ZNF541: variants seen among roughly 807,000 people sequenced by gnomAD.
The protein encoded by ZNF541 is zinc finger protein 541.
Under a neutral mutation model 123.5 loss-of-function variants are expected in ZNF541, and 23 were observed. The ratio of observed to expected loss-of-function variants is 0.19; its 90% CI spans 0.13 to 0.26. The LOEUF (loss-of-function observed/expected upper bound fraction) is 0.26. Ranked by LOEUF, ZNF541 falls within the 10% of genes least tolerant of loss-of-function variation. The pLI is 1.00. For missense variants in ZNF541, 1,612 were observed against 1,789.9 expected, an observed-to-expected ratio of 0.90 and a Z score of 1.79; for synonymous variants, 751 against 754.5, an observed-to-expected ratio of 1.00 and a Z score of 0.08.
At chr19:47,555,380 A>AG (rs1011322829) in intron 3 of ZNF541, among the ~76,000 whole-genome samples, 170 bp downstream of exon 3, 2 of 151,888 alleles carry the variant, frequency 1.3e-5, no homozygotes, top group African/African-American at 4.8e-5. Context: ...AAAAAAAAAA[A>AG]AAAAAAGAAT....
chr19:47,568,095 C>G (rs190575914), intron 2 of ZNF541, among the ~76,000 whole-genome samples: 2 of 152,226 alleles, frequency 1.3e-5, no homozygotes, highest in Admixed American at 1.3e-4. Flanking sequence ...ACTTTGATCA[C>G]AGAAGGCTCT....
Position 47,544,585 on chromosome 19 carries a change from C to A in ZNF541, c.1944G>T (p.Lys648Asn), listed in dbSNP as rs948968209. The A allele has an allele frequency of 9.0e-6, 14 of 1,551,326 alleles. No homozygotes were observed. Among genetic ancestry groups the A allele is most frequent in the Non-Finnish European group, 1.1e-5 (13 of 1,146,940 alleles). ...ASPGSTRRDA[K>N]GGLKVAAVPT... ...GAACCGCGGCCACTTTCAGTCCCCC[C>A]TTTGCGTCTCGTCTCGTGCTGCCGG... Residue 648 changes from lysine to asparagine, a missense_variant, in exon 5 of 17, where the codon AAG (lysine) becomes AAT (asparagine). By Grantham distance (94) the Lys-to-Asn change is moderately conservative. Coordinates refer to ENST00000391901, the MANE Select transcript of ZNF541 (RefSeq NM_001277075.3).
chr19:47,542,705 T>C (rs1242604248), intron 5 of ZNF541, among the ~76,000 whole-genome samples: 1 of 152,068 alleles, frequency 6.6e-6, no homozygotes, highest in East Asian at 1.9e-4. Flanking sequence ...CTCAGCACTT[T>C]GGGAGGCTGA....
intron 14 of ZNF541, among the ~76,000 whole-genome samples, chr19:47,526,790 G>T (rs571840878): frequency 2.3e-4 from 35 of 152,160 alleles, no homozygotes; most frequent in Admixed American, 5.9e-4. Flanking sequence ...TTCTTAAAAA[G>T]TTAAGCATAC....
At position 47,521,317 on chromosome 19, in the gene ZNF541, G is replaced by A. The variant is rs1227231266; in HGVS notation, c.3948C>T (p.His1316=). Residue 1316 remains histidine, a synonymous_variant, in exon 17 of 17, where the codon CAC becomes CAT. Transcript: ENST00000391901. This position sits in a 1 kb window ranked among gnomAD's most constrained non-coding sequence, Gnocchi z 4.2. ...AHMKRHRLQD[H]VEPIIRVKWP... is the part of the protein sequence containing the mutation. ...ACTTCACCCTGATGATGGGCTCCACGTGGTCCTGAAGGCGGTGCCGCTTCA... is the reference window on the plus strand; with the variant it reads ...ACTTCACCCTGATGATGGGCTCCACATGGTCCTGAAGGCGGTGCCGCTTCA... 1.2e-5 allele frequency: 18 copies of A among 1,551,744 alleles called. No homozygotes were observed. The highest frequency in any genetic ancestry group is 1.4e-5 in the African/African-American group (1 of 73,164).
intron 9 of ZNF541, among the ~76,000 whole-genome samples, chr19:47,536,271 C>A (rs940847405): frequency 6.6e-6 from 1 of 152,154 alleles, no homozygotes; most frequent in African/African-American, 2.4e-5. Flanking sequence ...TTGTTTATGG[C>A]CAGTTTTGGG....
intron 3 of ZNF541, among the ~76,000 whole-genome samples, chr19:47,552,905 T>C (rs1056352358): frequency 4.0e-5 from 6 of 151,386 alleles, no homozygotes; most frequent in Non-Finnish European, 7.4e-5. Flanking sequence ...GGTCAGGAGT[T>C]TGAGACCAGT....
intron 4 of ZNF541, 116 bp from the exon 5 acceptor site, chr19:47,546,096 G>C: frequency 2.2e-6 from 2 of 904,964 alleles, no homozygotes; most frequent in Non-Finnish European, 3.0e-6. Flanking sequence ...TTCAGAAATT[G>C]TACTCAGCCC....
intron 5 of ZNF541, 75 bp from the exon 6 acceptor site, chr19:47,541,026 G>A: frequency 1.5e-6 from 2 of 1,378,470 alleles, no homozygotes; most frequent in South Asian, 1.3e-5. Context: ...CAGACTTTTA[G>A]AAGAAAACAT....
At position 47,521,565 on chromosome 19, in the gene ZNF541, G is replaced by A; in HGVS notation, c.3801C>T (p.Ser1267=). Residue 1267 remains serine, a synonymous_variant, in exon 16 of 17, where the codon TCC becomes TCT. Coordinates refer to ENST00000391901, the MANE Select transcript of ZNF541 (RefSeq NM_001277075.3). This position sits in a 1 kb window ranked among gnomAD's most constrained non-coding sequence, Gnocchi z 4.2. The part of the protein sequence containing the change: ...KSYRRESILS[S]SPNAGSKRTP... Reference sequence around the variant, plus strand: ...TCCGCTTGGAGCCTGCATTTGGGCTGGAGCTGAGGATGGACTCCCTCCTAT... The same window carrying A: ...TCCGCTTGGAGCCTGCATTTGGGCTAGAGCTGAGGATGGACTCCCTCCTAT... The A allele has an allele frequency of 2.6e-6, 4 of 1,551,722 alleles. No individual in the cohort carries two copies. Among genetic ancestry groups the A allele is most frequent in the Non-Finnish European group, 3.5e-6 (4 of 1,146,988 alleles).
At position 47,520,971 on chromosome 19, in the gene ZNF541, G is replaced by T. The variant is rs1968996725; in HGVS notation, c.*253C>A. ...GCCTCCCTGCTCTAGAAGTGGAAGG[G>T]AAAGAAGGGGAGAGACTATGAACCT... On this transcript the variant is annotated 3_prime_UTR_variant, in exon 17 of 17. Transcript: ENST00000391901. The T allele has an allele frequency of 2.1e-6, 1 of 469,760 alleles. No homozygotes were observed. Among genetic ancestry groups the T allele is most frequent in the Non-Finnish European group, 3.8e-6 (1 of 261,956 alleles). The allele number at this position is 469,760 out of a possible 1,614,324, so 29.1% of individuals were successfully genotyped here.
rs550140068 is a variant in ZNF541, at chr19:47,544,736, G to C, written c.1793C>G (p.Pro598Arg). The C allele has an allele frequency of 8.7e-6, 13 of 1,499,526 alleles. No individual in the cohort carries two copies. Among genetic ancestry groups the C allele is most frequent in the Non-Finnish European group, 1.2e-5 (13 of 1,126,886 alleles). The allele number at this position is 1,499,526 out of a possible 1,614,324, so 92.9% of individuals were successfully genotyped here. ...AGGAGCCAGTGGTGGGGGCTGCTGC[G>C]GCCACGGCCCCTGCAGCGGCCTCAG... The part of the protein sequence containing the change: ...AALRPLQGPW[P>R]QQPPPLAPAV... Residue 598 changes from proline to arginine, a missense_variant, in exon 5 of 17, where the codon CCG becomes CGG. By Grantham distance (103) the Pro-to-Arg change is moderately radical. Coordinates refer to ENST00000391901, the MANE Select transcript of ZNF541 (RefSeq NM_001277075.3).
chr19:47,553,782 C>T lies in ZNF541; in HGVS notation c.307+1768G>A, dbSNP rs537808928. On this transcript the variant is annotated intron_variant, in intron 3 of 16. Coordinates refer to ENST00000391901, the MANE Select transcript of ZNF541 (RefSeq NM_001277075.3). ...GTGGAACTCCTTATCTCAAGCGATC[C>T]GCCCACCTCAGCCTCCCAAAGTACT... 3.6e-3 allele frequency among the ~76,000 whole-genome samples: 543 copies of T among 152,174 alleles called. 2 individuals are homozygous for T. The highest frequency in any genetic ancestry group is 0.011 in the African/African-American group (464 of 41,510).
At chr19:47,559,764 C>T (rs942120146) in intron 2 of ZNF541, among the ~76,000 whole-genome samples, 4 of 150,938 alleles carry the variant, frequency 2.7e-5, no homozygotes, top group African/African-American at 7.3e-5. Context: ...GCAGGAGGAT[C>T]GCTCGAACCC....
Position 47,545,862 on chromosome 19 carries a change from G to A in ZNF541, c.667C>T (p.Leu223=). 1 of 1,549,748 alleles carries A rather than the reference G, an allele frequency of 6.5e-7. No individual in the cohort carries two copies. Among genetic ancestry groups the A allele is most frequent in the Non-Finnish European group, 8.7e-7 (1 of 1,146,450 alleles). ...LRRHYEVHHG[L]CILKEAPPEE... is the part of the protein sequence containing the mutation. The stretch of plus-strand genomic sequence containing the variant: ...GGGGGGGCTTCCTTCAGGATGCACA[G>A]GCCGTGATGGACCTCGTAGTGCCGG... Residue 223 remains leucine (L), a synonymous_variant, in exon 5 of 17, where the codon CTG becomes TTG. Transcript: ENST00000391901. This position sits in a 1 kb window ranked among gnomAD's most constrained non-coding sequence, Gnocchi z 7.5.
rs1280954844 is a variant in ZNF541 at position 47,521,730 on chromosome 19, G to A, written c.3712-76C>T. 6.6e-6 allele frequency: 10 copies of A among 1,523,348 alleles called. No homozygotes were observed. The highest frequency in any genetic ancestry group is 1.4e-5 in the African/African-American group (1 of 72,362). The allele number at this position is 1,523,348 out of a possible 1,614,324, so 94.4% of individuals were successfully genotyped here. A position where few individuals can be genotyped will look rare whatever the true frequency, so the allele number is the denominator to read the frequency against. ...GAGAGACACAGAGCTGGGGGCATACGTGTCTCCTGCAGGAAAACCCTTCCA... is the reference window on the plus strand; with the variant it reads ...GAGAGACACAGAGCTGGGGGCATACATGTCTCCTGCAGGAAAACCCTTCCA... On this transcript the variant is annotated intron_variant, in intron 15 of 16. Coordinates refer to ENST00000391901, the MANE Select transcript of ZNF541 (RefSeq NM_001277075.3). This position sits in a 1 kb window ranked among gnomAD's most constrained non-coding sequence, Gnocchi z 4.2.
At chr19:47,555,226 C>T (rs1033479651) in intron 3 of ZNF541, among the ~76,000 whole-genome samples, 1 of 151,696 alleles carries the variant, frequency 6.6e-6, no homozygotes, top group South Asian at 2.1e-4. Context: ...AAAAATTAGC[C>T]GGGCGTGGTG....
intron 4 of ZNF541, among the ~76,000 whole-genome samples, 167 bp downstream of exon 4, chr19:47,549,078 A>T (rs1015539138): frequency 1.4e-4 from 21 of 151,362 alleles, no homozygotes; most frequent in African/African-American, 5.1e-4. Context: ...AAAAAAAAAA[A>T]AGCATGGAGT....
intron 3 of ZNF541, among the ~76,000 whole-genome samples, chr19:47,554,783 G>A (rs577193077): frequency 3.9e-5 from 6 of 152,326 alleles, no homozygotes; most frequent in Admixed American, 3.3e-4. Flanking sequence ...CCTAGAATGA[G>A]TGTTCTGTTT....
Sources: allele counts gnomAD v4.1 joint callset (sites outside exome capture counted in the v4.1 genomes callset), GRCh38; gene constraint gnomAD v4.1.1; non-coding constraint Gnocchi (gnomAD v3.1); transcripts MANE v1.5; gene names NCBI Gene and HGNC (gene_info 2026-07-23, HGNC 2026-07-21).